ZNF184: variants seen among roughly 807,000 people sequenced by gnomAD.
ZNF184 encodes the protein zinc finger protein 184.
In ZNF184, 16 loss-of-function variants were observed where a neutral mutation model predicts 54.4. The observed-to-expected ratio is 0.29, with a 90% CI of 0.20 to 0.45. ZNF184 has a LOEUF of 0.45. Among genes scored for constraint, ZNF184 ranks in the 20% least tolerant of loss-of-function variants. ZNF184 has a pLI of 1.00. For synonymous variants in ZNF184, 254 were observed against 295.3 expected (o/e 0.86, Z 1.43); for missense variants, 681 against 888.2 (o/e 0.77, Z 2.97).
chr6:27,472,600 T>C lies in ZNF184; in HGVS notation c.-140+129A>G. On this transcript the variant is annotated intron_variant, in intron 1 of 5. Transcript: ENST00000683788. This position sits in a 1 kb window ranked among gnomAD's most constrained non-coding sequence, Gnocchi z 4.8. ...GAGTGGAGATCGGGTACGCGGGTTCTGCTTCAGATCCAAAAAACCCTTGGT... is the reference window on the plus strand; with the variant it reads ...GAGTGGAGATCGGGTACGCGGGTTCCGCTTCAGATCCAAAAAACCCTTGGT... 1 of 378,630 alleles carries C rather than the reference T, an allele frequency of 2.6e-6. No individual in the cohort carries two copies. The allele number at this position is 378,630 out of a possible 1,614,324, so 23.5% of individuals were successfully genotyped here. A position where few individuals can be genotyped will look rare whatever the true frequency, so the allele number is the denominator to read the frequency against.
the ZNF184 span, among the ~76,000 whole-genome samples, chr6:27,423,397 G>GT: frequency 4.6e-5 from 7 of 151,794 alleles, no homozygotes; most frequent in Non-Finnish European, 1.0e-4. Context: ...TTTTTTGTTA[G>GT]ATTTTATTCA....
At chr6:27,446,464 A>G (rs915419079), downstream of ZNF184, among the ~76,000 whole-genome samples, 1 of 152,244 alleles carries the variant, frequency 6.6e-6, no homozygotes, top group Non-Finnish European at 1.5e-5. Flanking sequence ...ACAATGCAAT[A>G]GCTGTGAAGA....
intron 4 of ZNF184, 93 bp from the exon 5 acceptor site, chr6:27,457,014 A>G (rs1762872825): frequency 2.4e-6 from 3 of 1,225,556 alleles, no homozygotes; most frequent in Non-Finnish European, 3.5e-6. Flanking sequence ...AAGAAATGAT[A>G]TGTAGTAAAA....
chr6:27,443,907 C>G, the ZNF184 span, among the ~76,000 whole-genome samples: 4 of 152,122 alleles, frequency 2.6e-5, no homozygotes, highest in African/African-American at 9.7e-5. Flanking sequence ...GGGTCACACT[C>G]TTCTGGAAAA....
At chr6:27,422,209 AAAG>A in the ZNF184 span, among the ~76,000 whole-genome samples, 143 of 120,170 alleles carry the variant, frequency 1.2e-3, 5 homozygotes, top group African/African-American at 3.5e-3. Flanking sequence ...AGAAAGAAAG[AAAG>A]AAAGAAAAGA....
At chr6:27,426,751 C>T in the ZNF184 span, among the ~76,000 whole-genome samples, 1 of 152,140 alleles carries the variant, frequency 6.6e-6, no homozygotes, top group South Asian at 2.1e-4. This position sits in a 1 kb window ranked among gnomAD's most constrained non-coding sequence, Gnocchi z 4.2. Context: ...TTACTATTTC[C>T]TTCATTCTCT....
the ZNF184 span, among the ~76,000 whole-genome samples, chr6:27,437,799 G>T: frequency 2.6e-5 from 4 of 152,176 alleles, no homozygotes. Context: ...AGAATCAGAG[G>T]CTGTGTCTTG....
At chr6:27,442,862 GAAAGAAAGAAAGAAAGAA>G in the ZNF184 span, among the ~76,000 whole-genome samples, 45 of 58,554 alleles carry the variant, frequency 7.7e-4, 6 homozygotes, top group Non-Finnish European at 1.4e-3. Context: ...AAGAAAGAAA[GAAAGAAAGAAAGAAAGAA>G]AAAGAAAAAA....
chr6:27,413,692 A>G, the ZNF184 span, among the ~76,000 whole-genome samples: 4 of 152,348 alleles, frequency 2.6e-5, no homozygotes, highest in East Asian at 3.9e-4. Context: ...CCAAAATGCT[A>G]CTATCATACT....
At chr6:27,436,179 GTTGT>G in the ZNF184 span, among the ~76,000 whole-genome samples, 3 of 151,828 alleles carry the variant, frequency 2.0e-5, no homozygotes, top group South Asian at 6.3e-4. Flanking sequence ...TTTTTTTGTT[GTTGT>G]TTTTTTTCTG....
At chr6:27,426,163 C>G in the ZNF184 span, among the ~76,000 whole-genome samples, 1 of 152,226 alleles carries the variant, frequency 6.6e-6, no homozygotes, top group South Asian at 2.1e-4. The surrounding 1 kb of genome is among the most constrained non-coding windows in gnomAD (Gnocchi z 4.2). Context: ...TGGCTTATAG[C>G]CTTCCACTCT....
Position 27,465,016 on chromosome 6 carries a change from C to CAAAAAAAA in ZNF184, c.75+2829_75+2836dup, listed in dbSNP as rs61602778. Among the ~76,000 whole-genome samples, 22 of 48,918 alleles carry CAAAAAAAA rather than the reference C, an allele frequency of 4.5e-4. 1 individual carries two copies. The highest frequency in any genetic ancestry group is 1.5e-3 in the African/African-American group (13 of 8,698). The allele number at this position is 48,918 out of a possible 152,430, so 32.1% of individuals were successfully genotyped here. ...TGGGCGACAGAGCAAGACTCTGTCTCAAAAAAAAAAAAAAAAAAAAATAGA... is the reference window on the plus strand; with the variant it reads ...TGGGCGACAGAGCAAGACTCTGTCTCAAAAAAAAAAAAAAAAAAAAAAAAAAAAATAGA... On this transcript the variant is annotated intron_variant, in intron 3 of 5. Coordinates refer to ENST00000683788, the MANE Select transcript of ZNF184 (RefSeq NM_001318891.2).
At chr6:27,449,163 G>A (rs1294943941), downstream of ZNF184, among the ~76,000 whole-genome samples, 1 of 152,186 alleles carries the variant, frequency 6.6e-6, no homozygotes, top group Non-Finnish European at 1.5e-5. Context: ...TAATCTGGCA[G>A]ACATGGAAAG....
the ZNF184 span, among the ~76,000 whole-genome samples, chr6:27,435,827 G>A: frequency 6.0e-5 from 9 of 151,018 alleles, no homozygotes; most frequent in African/African-American, 1.5e-4. Flanking sequence ...TTTCTCTCCC[G>A]CTACCTGCAT....
intron 3 of ZNF184, among the ~76,000 whole-genome samples, chr6:27,457,930 G>A (rs892311870): frequency 2.1e-4 from 32 of 152,088 alleles, no homozygotes; most frequent in African/African-American, 7.5e-4. Context: ...AGAGTTAAAA[G>A]GCATTAAGCA....
chr6:27,409,391 C>T, the ZNF184 span, among the ~76,000 whole-genome samples: 7 of 149,646 alleles, frequency 4.7e-5, no homozygotes, highest in South Asian at 2.1e-4. Flanking sequence ...CCCAGCTACT[C>T]AGGAGGCTGA....
the ZNF184 span, among the ~76,000 whole-genome samples, chr6:27,424,256 T>G: frequency 6.6e-6 from 1 of 152,224 alleles, no homozygotes; most frequent in Admixed American, 6.5e-5. Context: ...TGCAGACTTT[T>G]GTGATGACTT....
downstream of ZNF184, among the ~76,000 whole-genome samples, chr6:27,446,190 C>A (rs1314036530): frequency 6.6e-6 from 1 of 152,144 alleles, no homozygotes; most frequent in Admixed American, 6.5e-5. Flanking sequence ...GGGAGACAGA[C>A]CATAAAGCAT....
At chr6:27,405,209 G>C in the ZNF184 span, 1 of 152,198 alleles carries the variant, frequency 6.6e-6, no homozygotes, top group Non-Finnish European at 1.5e-5. Context: ...CTGTAAAACA[G>C]CCTCAGGCAG....
Sources: gnomAD v4.1 joint callset for allele counts (sites outside exome capture counted in the v4.1 genomes callset) on GRCh38, gnomAD v4.1.1 for gene constraint, Gnocchi (gnomAD v3.1) non-coding constraint, MANE v1.5 for transcripts, NCBI Gene and HGNC (gene_info 2026-07-23, HGNC 2026-07-21) for gene names.